The following LILRB3 variants were observed in gnomAD, a reference collection of about 807,000 sequenced individuals.
LILRB3 encodes the protein leukocyte immunoglobulin like receptor B3.
LILRB3 carries 32 observed loss-of-function variants against 68.2 expected under a neutral mutation model. The observed-to-expected ratio is 0.47, with a 90% confidence interval of 0.35 to 0.63. LILRB3 has a LOEUF of 0.63. Among genes scored for constraint, LILRB3 ranks in the 30% least tolerant of loss-of-function variants. The pLI, the probability that LILRB3 is intolerant of heterozygous loss-of-function variation, is 0.00. For missense variants in LILRB3, 502 were observed against 791.3 expected (o/e 0.63, Z 4.39); for synonymous variants, 185 against 323.1 (o/e 0.57, Z 4.58).
exon 9 of LILRB3, chr19:54,218,822 A>G (rs147504605): frequency 6.2e-7 from 1 of 1,613,996 alleles, no homozygotes; most frequent in African/African-American, 1.3e-5. Context: ...GACGCTGGAA[A>G]TCAGTCTTTC....
At chr19:54,217,322 A>G in exon 12 of LILRB3, 1 of 1,588,598 alleles carries the variant, frequency 6.3e-7, no homozygotes. Flanking sequence ...GACTCACCTC[A>G]GTGTCCATCT....
intron 8 of LILRB3, 101 bp from the exon 9 acceptor site, chr19:54,218,939 T>C (rs914837803): frequency 2.4e-5 from 37 of 1,570,480 alleles, no homozygotes; most frequent in Non-Finnish European, 3.0e-5. Context: ...TATTCCTGCA[T>C]GGATGTTCCA....
chr19:54,217,155 G>C, exon 13 of LILRB3: 1 of 1,614,122 alleles, frequency 6.2e-7, no homozygotes, highest in South Asian at 1.1e-5. Flanking sequence ...TCCTGGGATG[G>C]AGGAGGCTCA....
chr19:54,219,560 G>A (rs934369089), intron 7 of LILRB3: 18 of 1,549,654 alleles, frequency 1.2e-5, no homozygotes, highest in Middle Eastern at 1.7e-4. Context: ...CCTGAACCAC[G>A]GCCCTGCTCC....
At chr19:54,218,012 C>T (rs549168425) in intron 11 of LILRB3, among the ~76,000 whole-genome samples, 3,373 of 120,572 alleles carry the variant, frequency 0.028, 92 homozygotes, top group African/African-American at 0.066. Context: ...ATGGGGAGCC[C>T]CATCCACAGT....
At chr19:54,219,286 T>A in intron 7 of LILRB3, 41 bp from the exon 8 acceptor site, 1 of 1,519,316 alleles carries the variant, frequency 6.6e-7, no homozygotes. Context: ...ATGTCATTGA[T>A]GTGAGCACCT....
At chr19:54,219,440 C>T in intron 7 of LILRB3, 195 bp from the exon 8 acceptor site, 3 of 1,524,914 alleles carry the variant, frequency 2.0e-6, no homozygotes, top group African/African-American at 1.4e-5. Flanking sequence ...TGCCCCAGGC[C>T]TCCAGCGAGG....
exon 13 of LILRB3, chr19:54,216,503 G>T (rs2147196649): frequency 4.9e-6 from 2 of 404,516 alleles, no homozygotes; most frequent in South Asian, 2.0e-4. Context: ...GTAGAGACGG[G>T]GTTTCACCGT....
At chr19:54,219,387 AT>A in intron 7 of LILRB3, 142 bp from the exon 8 acceptor site, 1 of 1,457,078 alleles carries the variant, frequency 6.9e-7, no homozygotes. Context: ...CGTACAACCC[AT>A]TTCACAGATG....
exon 13 of LILRB3, chr19:54,217,183 G>C: frequency 6.2e-7 from 1 of 1,613,720 alleles, no homozygotes; most frequent in Non-Finnish European, 8.5e-7. Context: ...TCCGTCTAAG[G>C]GTCAAGCTGT....
In LILRB3 at chr19:54,222,702, TC is replaced by T. The variant is rs1410438795; in HGVS notation, c.70+44del. ...CCAGCTGCCCATGGGTGGCCCCCTGTCCCAGTGAGGAGTAGGGACCTGGGAC... is the reference window on the plus strand; with the variant it reads ...CCAGCTGCCCATGGGTGGCCCCCTGTCCAGTGAGGAGTAGGGACCTGGGAC... On this transcript the variant is annotated intron_variant, in intron 2 of 12. Coordinates refer to ENST00000445347, the Ensembl canonical transcript of LILRB3. 7 of 1,612,372 alleles carry T rather than the reference TC, an allele frequency of 4.3e-6. No homozygotes were observed. The African/African-American group carries it at 9.5e-5, about 22-fold the overall frequency.
intron 7 of LILRB3, chr19:54,219,568 TC>T: frequency 6.5e-7 from 1 of 1,548,636 alleles, no homozygotes; most frequent in Non-Finnish European, 8.7e-7. Flanking sequence ...ACGGCCCTGC[TC>T]CCCTCCCCTG....
intron 11 of LILRB3, 137 bp downstream of exon 11, chr19:54,218,224 G>A: frequency 1.6e-6 from 2 of 1,213,498 alleles, no homozygotes; most frequent in Non-Finnish European, 2.4e-6. Flanking sequence ...GTCACAGCAG[G>A]CGGGAGGCAG....
At chr19:54,217,604 G>T (rs1267891498) in intron 11 of LILRB3, 130 bp from the exon 12 acceptor site, 29 of 1,252,696 alleles carry the variant, frequency 2.3e-5, no homozygotes, top group Non-Finnish European at 3.0e-5. Context: ...ACGCCCTAAG[G>T]CCGTGGAGGG....
chr19:54,219,889 G>T (rs955914127), intron 7 of LILRB3: 2 of 1,547,362 alleles, frequency 1.3e-6, no homozygotes, highest in African/African-American at 1.4e-5. Flanking sequence ...GCCTGACCCT[G>T]GGGGGTTAAG....
Position 54,218,754 on chromosome 19 carries a change from C to T in LILRB3, c.1502+9G>A, listed in dbSNP as rs569358040. On this transcript the variant is annotated intron_variant, in intron 9 of 12. Transcript: ENST00000445347. ...GGGTGGGAGTCTGTGGTCTTTGGGG[C>T]AGAATTACCTCCTCAGCAGGCCCCT... is the stretch of plus-strand genomic sequence containing the variant. 3.1e-6 allele frequency: 5 copies of T among 1,614,026 alleles called. No homozygotes were observed. The highest frequency in any genetic ancestry group is 1.3e-5 in the African/African-American group (1 of 74,998).
At chr19:54,216,645 C>A (rs376415000) in exon 13 of LILRB3, 2 of 1,020,058 alleles carry the variant, frequency 2.0e-6, no homozygotes, top group Non-Finnish European at 2.4e-6. Flanking sequence ...GTCATAAGTT[C>A]GATGTATAAT....
chr19:54,222,818 A>G (rs2078336131), intron 1 of LILRB3, 36 bp from the exon 2 acceptor site: 4 of 1,612,614 alleles, frequency 2.5e-6, no homozygotes, highest in Admixed American at 1.7e-5. Context: ...TTTGCCCTGA[A>G]GCCTGAGCAG....
chr19:54,222,706 A>G, intron 2 of LILRB3, 41 bp downstream of exon 2: 1 of 1,612,530 alleles, frequency 6.2e-7, no homozygotes, highest in Non-Finnish European at 8.5e-7. Flanking sequence ...CCCCTGTCCC[A>G]GTGAGGAGTA....
Sources: allele counts gnomAD v4.1 joint callset (sites outside exome capture counted in the v4.1 genomes callset), GRCh38; gene constraint gnomAD v4.1.1; transcripts MANE v1.5; gene names NCBI Gene and HGNC (gene_info 2026-07-23, HGNC 2026-07-21).